EFHC2: variants seen among roughly 807,000 people sequenced by gnomAD.
The protein encoded by EFHC2 is EF-hand domain-containing family member C2.
In EFHC2, 18 loss-of-function variants were observed where a neutral mutation model predicts 52.7. The observed-to-expected ratio is 0.34, with a 90% CI of 0.24 to 0.51. The LOEUF (loss-of-function observed/expected upper bound fraction) is 0.51, where lower values mean the gene tolerates loss of function less well. Ranked by LOEUF, EFHC2 falls within the 20% of genes least tolerant of loss-of-function variation. EFHC2 has a pLI of 0.97. For synonymous variants in EFHC2, 203 were observed against 204.1 expected (o/e 0.99, Z 0.04); for missense variants, 513 against 562.5 (o/e 0.91, Z 0.89).
At chrX:44,229,212 C>G (rs1287402773) in intron 11 of EFHC2, among the ~76,000 whole-genome samples, 1 of 112,587 alleles carries the variant, frequency 8.9e-6, no homozygotes, top group Admixed American at 9.4e-5. Context: ...GCATACATAT[C>G]ACCTTTGCTC....
At chrX:44,314,010 T>C (rs1181956815) in intron 1 of EFHC2, among the ~76,000 whole-genome samples, 1 of 111,139 alleles carries the variant, frequency 9.0e-6, no homozygotes, top group South Asian at 3.7e-4. Context: ...GCAAAAAATA[T>C]AGGTAGCTGA....
chrX:44,283,223 C>G (rs773029544), intron 2 of EFHC2, among the ~76,000 whole-genome samples: 1,377 of 111,418 alleles, frequency 0.012, 22 homozygotes, highest in African/African-American at 0.043. Flanking sequence ...GGCTCTGTCC[C>G]CCAGGCTGGA....
intron 2 of EFHC2, among the ~76,000 whole-genome samples, chrX:44,275,924 A>G (rs950238725): frequency 1.8e-5 from 2 of 109,027 alleles, no homozygotes; most frequent in Non-Finnish European, 3.8e-5. Context: ...AAAAAAAAAA[A>G]AAAGAAAAAA....
chrX:44,312,322 T>C lies in EFHC2; in HGVS notation c.231+246A>G, dbSNP rs986271. 0.16 allele frequency among the ~76,000 whole-genome samples: 17,569 copies of C among 111,489 alleles called. 1,132 individuals are homozygous for C. The highest frequency in any genetic ancestry group is 0.25 in the African/African-American group (7,537 of 30,660). On this transcript the variant is annotated intron_variant, in intron 2 of 14. Coordinates refer to ENST00000420999, the MANE Select transcript of EFHC2 (RefSeq NM_025184.4). ...TTAGCCATTCCATAGTGTATACATA[T>C]TTCAAAACATCATGTTGTACACCAT...
intron 11 of EFHC2, among the ~76,000 whole-genome samples, chrX:44,209,169 G>A (rs1434851002): frequency 1.8e-5 from 2 of 109,675 alleles, no homozygotes; most frequent in Non-Finnish European, 3.8e-5. Flanking sequence ...GAAGAAAATG[G>A]AGAAGAATAT....
At chrX:44,265,037 C>T (rs1020720608) in intron 3 of EFHC2, among the ~76,000 whole-genome samples, 5 of 111,880 alleles carry the variant, frequency 4.5e-5, no homozygotes, top group Non-Finnish European at 9.4e-5. Flanking sequence ...TCATGTTTTA[C>T]ATTTCTCTTC....
intron 4 of EFHC2, among the ~76,000 whole-genome samples, chrX:44,259,353 C>T (rs928542715): frequency 9.2e-6 from 1 of 108,736 alleles, no homozygotes; most frequent in Non-Finnish European, 1.9e-5. Context: ...ACAATGAGAA[C>T]ACATGGACAC....
rs748053108 is a variant in EFHC2, at chrX:44,149,947, G to T, written c.2149-1051C>A. Among the ~76,000 whole-genome samples, 444 of 112,149 alleles carry T rather than the reference G, an allele frequency of 4.0e-3. 2 individuals carry two copies. The highest frequency in any genetic ancestry group is 0.014 in the African/African-American group (430 of 30,917). On this transcript the variant is annotated intron_variant, in intron 14 of 14. Coordinates refer to ENST00000420999, the MANE Select transcript of EFHC2 (RefSeq NM_025184.4). ...GATAAGCCACTTTATTTGTGTGTGT[G>T]TGTGTACACATATACACACACAGAT...
chrX:44,313,208 A>T (rs1167109999), intron 1 of EFHC2, among the ~76,000 whole-genome samples: 1 of 112,118 alleles, frequency 8.9e-6, no homozygotes, highest in African/African-American at 3.2e-5. Context: ...CAAAACAGAG[A>T]ACAAAATCTT....
intron 7 of EFHC2, among the ~76,000 whole-genome samples, chrX:44,247,138 T>C (rs977048233): frequency 2.1e-4 from 24 of 112,195 alleles, no homozygotes; most frequent in African/African-American, 7.8e-4. Context: ...GCCACCAATT[T>C]GGCCCCAGTA....
chrX:44,150,811 A>G (rs1189528110), intron 14 of EFHC2, among the ~76,000 whole-genome samples: 1 of 111,382 alleles, frequency 9.0e-6, no homozygotes, highest in Non-Finnish European at 1.9e-5. Context: ...CCTCATGCAA[A>G]AGAGTTATGT....
chrX:44,258,158 A>G (rs1455474689), intron 4 of EFHC2, among the ~76,000 whole-genome samples: 2 of 112,181 alleles, frequency 1.8e-5, no homozygotes, highest in African/African-American at 3.2e-5. Context: ...AGACTTAAAC[A>G]TAAGACCTAA....
At chrX:44,328,351 C>T (rs558674219) in intron 1 of EFHC2, among the ~76,000 whole-genome samples, 34 of 111,775 alleles carry the variant, frequency 3.0e-4, no homozygotes, top group African/African-American at 1.0e-3. Context: ...CAGCAGCCAT[C>T]TTGGGATAAT....
At chrX:44,210,590 A>C (rs1209503527) in intron 11 of EFHC2, among the ~76,000 whole-genome samples, 1 of 112,733 alleles carries the variant, frequency 8.9e-6, no homozygotes, top group Non-Finnish European at 1.9e-5. Context: ...CTTTTCAACA[A>C]ATGATGCTAA....
chrX:44,256,397 G>A (rs187831971), intron 4 of EFHC2, among the ~76,000 whole-genome samples: 4 of 111,210 alleles, frequency 3.6e-5, no homozygotes, highest in Admixed American at 1.9e-4. Flanking sequence ...CTGCTAGCCA[G>A]ACTAATAAAG....
rs377242301 is a variant in EFHC2 at position 44,342,975 on chromosome X, T to C, written c.42+572A>G. Among the ~76,000 whole-genome samples the C allele has an allele frequency of 1.4e-4, 15 of 110,554 alleles. No homozygotes were observed. In the East Asian group the frequency reaches 3.7e-3, roughly 27 times the overall value. ...GTCTCTATAAAGTTTGGGAGTAAAC[T>C]TTACAGGCTGATAGAACTCTTATCT... On this transcript the variant is annotated intron_variant, in intron 1 of 14. Transcript: ENST00000420999.
chrX:44,162,856 C>G (rs1169391463), intron 14 of EFHC2, among the ~76,000 whole-genome samples: 1 of 111,367 alleles, frequency 9.0e-6, no homozygotes, highest in Non-Finnish European at 1.9e-5. Context: ...CACGAACGTA[C>G]CAATTCCCCC....
intron 2 of EFHC2, among the ~76,000 whole-genome samples, chrX:44,277,926 T>C (rs1183722077): frequency 9.0e-6 from 1 of 110,798 alleles, no homozygotes; most frequent in Non-Finnish European, 1.9e-5. Flanking sequence ...TATAAGGCCA[T>C]ACAAACCTAT....
chrX:44,208,024 G>T (rs2037061890), intron 11 of EFHC2, among the ~76,000 whole-genome samples: 2 of 112,428 alleles, frequency 1.8e-5, no homozygotes, highest in African/African-American at 6.5e-5. Context: ...AGAGAAAAGG[G>T]AATGCTTATA....
Sources: gnomAD v4.1 joint callset for allele counts (sites outside exome capture counted in the v4.1 genomes callset) on GRCh38, gnomAD v4.1.1 for gene constraint, MANE v1.5 for transcripts, NCBI Gene and HGNC (gene_info 2026-07-23, HGNC 2026-07-21) for gene names.